SLC15A1: variants seen among roughly 807,000 people sequenced by gnomAD.
SLC15A1 encodes the protein Caco-2 oligopeptide transporter.
A neutral mutation model predicts 92.9 loss-of-function variants in SLC15A1; 83 were observed. The ratio of observed to expected loss-of-function variants is 0.89; its 90% CI spans 0.75 to 1.07. SLC15A1 has a LOEUF of 1.07. Ranked by LOEUF, SLC15A1 falls within the 50% of genes least tolerant of loss-of-function variation. The pLI, the probability that SLC15A1 is intolerant of heterozygous loss-of-function variation, is 0.00. For missense variants in SLC15A1, 857 were observed against 880.1 expected, an observed-to-expected ratio of 0.97 and a Z score of 0.33; for synonymous variants, 322 against 318.2, an observed-to-expected ratio of 1.01 and a Z score of -0.13.
In SLC15A1 at chr13:98,688,556, C is replaced by G. The variant is rs774934074; in HGVS notation, c.1488G>C (p.Glu496Asp). Reference sequence around the variant, plus strand: ...TCCCACTCATTGTGATGGTGATGAGCTCGTTAAAAGTATTTACAAATCTGA... The same window carrying G: ...TCCCACTCATTGTGATGGTGATGAGGTCGTTAAAAGTATTTACAAATCTGA... ...NGIRFVNTFNELITITMSGKV... is the reference protein window; with the variant it reads ...NGIRFVNTFNDLITITMSGKV... Residue 496 changes from glutamate (E) to aspartate (D), a missense_variant, in exon 19 of 23, where the codon GAG becomes GAC. By Grantham distance (45) the Glu-to-Asp change is conservative (BLOSUM62 2). Coordinates refer to ENST00000376503, the MANE Select transcript of SLC15A1 (RefSeq NM_005073.4). 1 of 1,613,508 alleles carries G rather than the reference C, an allele frequency of 6.2e-7. No homozygotes were observed. The highest frequency in any genetic ancestry group is 8.5e-7 in the Non-Finnish European group (1 of 1,179,646).
intron 18 of SLC15A1, among the ~76,000 whole-genome samples, chr13:98,698,784 T>A (rs2088043717): frequency 6.6e-6 from 1 of 152,180 alleles, no homozygotes; most frequent in Admixed American, 6.5e-5. Flanking sequence ...CTTAATATAT[T>A]TTTTGTATAC....
At chr13:98,698,190 A>G (rs921200395) in intron 18 of SLC15A1, among the ~76,000 whole-genome samples, 19 of 152,370 alleles carry the variant, frequency 1.2e-4, no homozygotes, top group East Asian at 1.9e-4. Flanking sequence ...GTTGAGGGAT[A>G]CATTTTCAAG....
intron 1 of SLC15A1, among the ~76,000 whole-genome samples, chr13:98,733,868 G>A (rs2088368992): frequency 6.6e-6 from 1 of 152,208 alleles, no homozygotes; most frequent in South Asian, 2.1e-4. Context: ...CTGGAGGTGG[G>A]GCCTGGTGGG....
intron 21 of SLC15A1, 40 bp downstream of exon 21, chr13:98,687,541 G>T (rs761926802): frequency 1.2e-6 from 2 of 1,603,024 alleles, no homozygotes; most frequent in Non-Finnish European, 1.7e-6. Flanking sequence ...CTGCAGGCAG[G>T]GGTATTGCAG....
At chr13:98,730,106 G>C (rs1442319237) in intron 1 of SLC15A1, among the ~76,000 whole-genome samples, 4 of 151,782 alleles carry the variant, frequency 2.6e-5, no homozygotes, top group Non-Finnish European at 5.9e-5. Context: ...TGAGGCAGAA[G>C]AATCGCTTGA....
At chr13:98,731,880 G>A (rs2088353144) in intron 1 of SLC15A1, among the ~76,000 whole-genome samples, 1 of 152,178 alleles carries the variant, frequency 6.6e-6, no homozygotes, top group South Asian at 2.1e-4. Context: ...CCCTTGAAGT[G>A]TAAATCTGAG....
chr13:98,733,913 T>C (rs1471435002), intron 1 of SLC15A1, among the ~76,000 whole-genome samples: 1 of 152,196 alleles, frequency 6.6e-6, no homozygotes, highest in Non-Finnish European at 1.5e-5. Context: ...GCACCATCCC[T>C]CTTGGTACTG....
At chr13:98,713,274 C>A (rs2088181782) in intron 9 of SLC15A1, among the ~76,000 whole-genome samples, 1 of 151,986 alleles carries the variant, frequency 6.6e-6, no homozygotes, top group Non-Finnish European at 1.5e-5. Context: ...TTTGTCCAGA[C>A]TGGTCTCAAA....
In SLC15A1 at chr13:98,684,869, A is replaced by G; in HGVS notation, c.1982T>C (p.Val661Ala). ...LFAALLLVVC[V>A]IFAIMARFYT... ...GAACCGAGCCATGATGGCAAAAATT[A>G]CACAGACGACCAGAAGCAACGCGGC... is the stretch of plus-strand genomic sequence containing the variant. The change falls in exon 23 of 23, where the codon GTA becomes GCA. Residue 661 changes from valine (V) to alanine (A), a missense_variant. Val to Ala is a moderately conservative substitution (Grantham distance 64). Coordinates refer to ENST00000376503, the MANE Select transcript of SLC15A1 (RefSeq NM_005073.4). 1 of 1,614,180 alleles carries G rather than the reference A, an allele frequency of 6.2e-7. No homozygotes were observed. Among genetic ancestry groups the G allele is most frequent in the African/African-American group, 1.3e-5 (1 of 75,062 alleles).
At chr13:98,751,948 C>T (rs1815070773) in intron 1 of SLC15A1, among the ~76,000 whole-genome samples, 1 of 152,250 alleles carries the variant, frequency 6.6e-6, no homozygotes, top group South Asian at 2.1e-4. Context: ...TTCATTCTCT[C>T]TGGGTCTGCC....
At chr13:98,711,430 G>A (rs1445547928) in intron 11 of SLC15A1, among the ~76,000 whole-genome samples, 1 of 152,070 alleles carries the variant, frequency 6.6e-6, no homozygotes, top group East Asian at 1.9e-4. Context: ...TCTAGCCCAA[G>A]CATTCCATCT....
Position 98,719,295 on chromosome 13 carries a change from T to C in SLC15A1, c.582A>G (p.Lys194=). Residue 194 remains lysine, a synonymous_variant, in exon 8 of 23, where the codon AAA becomes AAG. Coordinates refer to ENST00000376503, the MANE Select transcript of SLC15A1 (RefSeq NM_005073.4). ...LRVQQCGIHS[K]QACYPLAFGV... Reference sequence around the variant, plus strand: ...CAAAGGCCAGTGGGTAACAAGCTTGTTTACTGTGAATTCCACATTGTTGAA... The same window carrying C: ...CAAAGGCCAGTGGGTAACAAGCTTGCTTACTGTGAATTCCACATTGTTGAA... 3 of 1,613,798 alleles carry C rather than the reference T, an allele frequency of 1.9e-6. No homozygotes were observed. The highest frequency in any genetic ancestry group is 2.5e-6 in the Non-Finnish European group (3 of 1,179,720).
chr13:98,694,183 G>C (rs1022457871), intron 18 of SLC15A1, among the ~76,000 whole-genome samples: 14 of 152,026 alleles, frequency 9.2e-5, no homozygotes, highest in African/African-American at 3.4e-4. Context: ...ATGCCCCACC[G>C]ATACTCCCTT....
At chr13:98,728,501 T>TA (rs1224304426) in intron 1 of SLC15A1, among the ~76,000 whole-genome samples, 1 of 152,088 alleles carries the variant, frequency 6.6e-6, no homozygotes, top group Non-Finnish European at 1.5e-5. Flanking sequence ...ATGTAGGAGC[T>TA]AAAAAATTGA....
intron 20 of SLC15A1, 22 bp downstream of exon 20, chr13:98,688,226 T>C: frequency 1.3e-6 from 2 of 1,495,630 alleles, no homozygotes; most frequent in Non-Finnish European, 1.9e-6. Flanking sequence ...GATCTTCTGA[T>C]ACAATGAAAC....
chr13:98,751,057 G>C (rs777236377), intron 1 of SLC15A1, among the ~76,000 whole-genome samples: 3 of 152,054 alleles, frequency 2.0e-5, no homozygotes, highest in Non-Finnish European at 4.4e-5. Flanking sequence ...GCCCGGCCAA[G>C]ATCTGTTCTT....
At chr13:98,744,592 T>C (rs539986773) in intron 1 of SLC15A1, among the ~76,000 whole-genome samples, 8 of 150,362 alleles carry the variant, frequency 5.3e-5, no homozygotes, top group East Asian at 2.0e-4. Context: ...CTACACAAGA[T>C]ACAAAAATTA....
At chr13:98,732,499 T>A (rs2088359236) in intron 1 of SLC15A1, among the ~76,000 whole-genome samples, 1 of 152,118 alleles carries the variant, frequency 6.6e-6, no homozygotes, top group Non-Finnish European at 1.5e-5. Context: ...AACAAGAGAC[T>A]CCCCTCTTCC....
intron 2 of SLC15A1, 104 bp downstream of exon 2, chr13:98,726,739 G>C (rs2088304879): frequency 8.7e-7 from 1 of 1,154,034 alleles, no homozygotes; most frequent in Admixed American, 1.8e-5. Flanking sequence ...TACCCTCACT[G>C]GTTCCAGATG....
Sources: gnomAD v4.1 joint callset for allele counts (sites outside exome capture counted in the v4.1 genomes callset) on GRCh38, gnomAD v4.1.1 for gene constraint, MANE v1.5 for transcripts, NCBI Gene and HGNC (gene_info 2026-07-23, HGNC 2026-07-21) for gene names.